RBFOX1: variants seen among roughly 807,000 people sequenced by gnomAD.
RBFOX1 encodes the protein RNA binding protein fox-1 homolog 1.
A neutral mutation model predicts 57.7 loss-of-function variants in RBFOX1; 8 were observed. The observed-to-expected ratio is 0.14, with a 90% CI of 0.08 to 0.25. The LOEUF (loss-of-function observed/expected upper bound fraction) is 0.25. Among genes scored for constraint, RBFOX1 ranks in the 10% least tolerant of loss-of-function variants. The pLI is 1.00. For synonymous variants in RBFOX1, 326 were observed against 222.4 expected (o/e 1.47, Z -4.15); for missense variants, 611 against 548.5 (o/e 1.11, Z -1.14).
chr16:6,054,360 T>G (rs376255272), intron 1 of RBFOX1, among the ~76,000 whole-genome samples: 1 of 152,170 alleles, frequency 6.6e-6, no homozygotes, highest in Non-Finnish European at 1.5e-5. Context: ...ATTACAGCAG[T>G]GGGTGGTATG....
At chr16:7,343,198 C>T (rs1004947783) in intron 4 of RBFOX1, among the ~76,000 whole-genome samples, 2 of 152,104 alleles carry the variant, frequency 1.3e-5, no homozygotes, top group East Asian at 1.9e-4. Flanking sequence ...TGTCAGTGCC[C>T]GGTGGCAAGG....
intron 1 of RBFOX1, among the ~76,000 whole-genome samples, chr16:6,030,021 C>G (rs1259960615): frequency 6.6e-6 from 1 of 152,110 alleles, no homozygotes; most frequent in Non-Finnish European, 1.5e-5. Context: ...TCAAGTGATC[C>G]CACCTCAGCC....
chr16:7,278,874 C>G (rs1261617243), intron 4 of RBFOX1, among the ~76,000 whole-genome samples: 2 of 152,114 alleles, frequency 1.3e-5, no homozygotes, highest in Non-Finnish European at 2.9e-5. Context: ...CTAAATTTAT[C>G]TTGTCGAAAG....
intron 1 of RBFOX1, among the ~76,000 whole-genome samples, chr16:5,459,134 C>G (rs143596608): frequency 6.6e-6 from 1 of 152,318 alleles, no homozygotes; most frequent in East Asian, 1.9e-4. Flanking sequence ...TGAACCTCCC[C>G]TTTTCTTGGC....
chr16:6,917,646 C>A (rs1387867323), intron 3 of RBFOX1, among the ~76,000 whole-genome samples: 3 of 152,164 alleles, frequency 2.0e-5, no homozygotes, highest in Non-Finnish European at 4.4e-5. Flanking sequence ...TTAAGATGTT[C>A]CAGATACCAT....
intron 1 of RBFOX1, among the ~76,000 whole-genome samples, chr16:6,192,566 T>C (rs1380533043): frequency 6.6e-6 from 1 of 152,168 alleles, no homozygotes; most frequent in Non-Finnish European, 1.5e-5. Flanking sequence ...GGATGGTCAC[T>C]AAGCATCTTC....
intron 1 of RBFOX1, among the ~76,000 whole-genome samples, chr16:6,122,858 C>G (rs903290874): frequency 2.7e-5 from 4 of 149,904 alleles, no homozygotes; most frequent in African/African-American, 9.9e-5. Flanking sequence ...GATTAAAGCA[C>G]CAAAGTTACT....
At chr16:7,235,855 TA>T (rs1482572744) in intron 4 of RBFOX1, among the ~76,000 whole-genome samples, 3 of 152,236 alleles carry the variant, frequency 2.0e-5, no homozygotes, top group Non-Finnish European at 1.5e-5. Flanking sequence ...TGAAGGCTAT[TA>T]ATCAATGAAG....
Position 7,002,876 on chromosome 16 carries a change from G to A in RBFOX1, c.-15-49181G>A, listed in dbSNP as rs996508800. 5.9e-5 allele frequency among the ~76,000 whole-genome samples: 9 copies of A among 152,254 alleles called. No homozygotes were observed. In the South Asian group the frequency reaches 8.3e-4, roughly 14 times the overall value. Reference sequence around the variant, plus strand: ...CTCTCAACATCCCGATACACTCAGCGTGTTAAGATAAGGCTAGAAATCAGA... The same window carrying A: ...CTCTCAACATCCCGATACACTCAGCATGTTAAGATAAGGCTAGAAATCAGA... On this transcript the variant is annotated intron_variant, in intron 3 of 15. Transcript: ENST00000550418.
intron 3 of RBFOX1, among the ~76,000 whole-genome samples, chr16:7,051,344 T>C (rs1051777941): frequency 6.6e-6 from 1 of 152,208 alleles, no homozygotes; most frequent in Non-Finnish European, 1.5e-5. Context: ...TTTTCTTGTT[T>C]GGATAATAAA....
intron 2 of RBFOX1, among the ~76,000 whole-genome samples, chr16:6,471,610 G>T: frequency 6.6e-6 from 1 of 150,774 alleles, no homozygotes; most frequent in East Asian, 1.9e-4. Context: ...TAGTGGCAGA[G>T]AATTTGTATT....
At chr16:5,746,284 T>C (rs895660192) in intron 3 of RBFOX1, among the ~76,000 whole-genome samples, 3 of 152,232 alleles carry the variant, frequency 2.0e-5, no homozygotes, top group Non-Finnish European at 4.4e-5. Flanking sequence ...CTGTGTTCTG[T>C]TCCATTGGTC....
At chr16:6,818,407 A>T (rs2090577531) in intron 3 of RBFOX1, among the ~76,000 whole-genome samples, 2 of 152,148 alleles carry the variant, frequency 1.3e-5, no homozygotes, top group Admixed American at 1.3e-4. Flanking sequence ...ACTTCATCTG[A>T]CGTACAGATC....
intron 3 of RBFOX1, among the ~76,000 whole-genome samples, chr16:5,768,033 T>C (rs2053847829): frequency 6.6e-6 from 1 of 152,214 alleles, no homozygotes; most frequent in Non-Finnish European, 1.5e-5. Context: ...CACCCAGCTA[T>C]GCAATTATCC....
At chr16:7,271,773 G>T (rs1022015693) in intron 4 of RBFOX1, among the ~76,000 whole-genome samples, 3 of 151,922 alleles carry the variant, frequency 2.0e-5, no homozygotes, top group South Asian at 2.1e-4. Context: ...TGTATCCATA[G>T]CTAAGGGTCT....
At chr16:5,810,752 A>G (rs1022578202) in intron 3 of RBFOX1, among the ~76,000 whole-genome samples, 2 of 152,182 alleles carry the variant, frequency 1.3e-5, no homozygotes, top group Admixed American at 1.3e-4. Flanking sequence ...CTTGTTCACT[A>G]CTGAGCCTCC....
intron 5 of RBFOX1, among the ~76,000 whole-genome samples, chr16:7,577,206 A>C (rs2093406845): frequency 6.6e-6 from 1 of 152,168 alleles, no homozygotes; most frequent in African/African-American, 2.4e-5. Context: ...TTTGTGTTAC[A>C]AGCTGGTCAT....
At chr16:7,557,927 G>A (rs1157492801) in intron 5 of RBFOX1, among the ~76,000 whole-genome samples, 1 of 151,754 alleles carries the variant, frequency 6.6e-6, no homozygotes, top group East Asian at 1.9e-4. Flanking sequence ...ATGCAGAAGT[G>A]GACCATCACG....
At chr16:6,745,461 C>T (rs1006788722) in intron 3 of RBFOX1, among the ~76,000 whole-genome samples, 3 of 152,052 alleles carry the variant, frequency 2.0e-5, no homozygotes, top group African/African-American at 7.2e-5. Flanking sequence ...CAAGAATGAG[C>T]AGATTTTGTT....
Sources: allele counts gnomAD v4.1 joint callset (sites outside exome capture counted in the v4.1 genomes callset), GRCh38; gene constraint gnomAD v4.1.1; transcripts MANE v1.5; gene names NCBI Gene and HGNC (gene_info 2026-07-23, HGNC 2026-07-21).